Variants in STAU2 observed in about 807,000 individuals in gnomAD.
STAU2 encodes double-stranded RNA-binding protein Staufen homolog 2.
Under a neutral mutation model 65.9 loss-of-function variants are expected in STAU2, and 20 were observed. The observed-to-expected ratio is 0.30, with a 90% CI of 0.21 to 0.44. STAU2 has a LOEUF of 0.44. Ranked by LOEUF, STAU2 falls within the 20% of genes least tolerant of loss-of-function variation. STAU2 has a pLI of 1.00. For missense variants in STAU2, 558 were observed against 683.9 expected, an observed-to-expected ratio of 0.82 and a Z score of 2.05; for synonymous variants, 232 against 233.9, an observed-to-expected ratio of 0.99 and a Z score of 0.07.
intron 4 of STAU2, 59 bp from the exon 5 acceptor site, chr8:73,688,872 GCTGT>G: frequency 7.6e-6 from 12 of 1,575,048 alleles, no homozygotes; most frequent in South Asian, 2.3e-5. Flanking sequence ...AATAAAATTG[GCTGT>G]CTGAGAGAAA....
intron 13 of STAU2, among the ~76,000 whole-genome samples, chr8:73,460,950 T>C (rs952241128): frequency 1.3e-5 from 2 of 152,192 alleles, no homozygotes; most frequent in African/African-American, 4.8e-5. Flanking sequence ...TCTGAGCTTC[T>C]GTTTCTGGGG....
intron 5 of STAU2, among the ~76,000 whole-genome samples, chr8:73,674,515 C>T (rs1379225625): frequency 6.6e-6 from 1 of 151,744 alleles, no homozygotes; most frequent in Non-Finnish European, 1.5e-5. Flanking sequence ...CAATTAAAAC[C>T]TAATTGATTG....
At chr8:73,676,276 T>C (rs28500737) in intron 5 of STAU2, among the ~76,000 whole-genome samples, 11,036 of 152,222 alleles carry the variant, frequency 0.072, 438 homozygotes, top group Middle Eastern at 0.14. Context: ...ACCAGGTTTA[T>C]AACAAAGGTG....
At chr8:73,743,770 G>A (rs1807062146) in intron 1 of STAU2, among the ~76,000 whole-genome samples, 2 of 141,140 alleles carry the variant, frequency 1.4e-5, no homozygotes, top group African/African-American at 5.4e-5. Flanking sequence ...CACCATGCCC[G>A]GACATTTTTT....
chr8:73,556,482 G>A (rs1004971869), intron 12 of STAU2, among the ~76,000 whole-genome samples: 8 of 152,140 alleles, frequency 5.3e-5, no homozygotes, highest in African/African-American at 1.7e-4. Context: ...TTAAGGCTGG[G>A]TGCTGTGGCT....
rs1031951445 is a variant in STAU2 at position 73,648,223 on chromosome 8, T to C, written c.410+24884A>G. On this transcript the variant is annotated intron_variant, in intron 6 of 14. Coordinates refer to ENST00000524300, the MANE Select transcript of STAU2 (RefSeq NM_001164380.2). ...ATCCCACATATACTATCATTCCTAG[T>C]ATTTTCTTGAATGATTTTATTTCAT... 2.0e-5 allele frequency among the ~76,000 whole-genome samples: 3 copies of C among 152,238 alleles called. No homozygotes were observed. The East Asian group carries it at 5.8e-4, about 29-fold the overall frequency.
intron 3 of STAU2, among the ~76,000 whole-genome samples, chr8:73,718,415 A>G (rs1249015528): frequency 6.6e-6 from 1 of 152,232 alleles, no homozygotes; most frequent in East Asian, 1.9e-4. Flanking sequence ...ATAACCAACA[A>G]AAAGCACAAA....
chr8:73,738,648 C>T (rs1806613148), intron 2 of STAU2, among the ~76,000 whole-genome samples: 1 of 152,190 alleles, frequency 6.6e-6, no homozygotes, highest in African/African-American at 2.4e-5. Flanking sequence ...CTGGACAGTA[C>T]AGATCTGAAC....
At chr8:73,580,168 C>A (rs1219741866) in intron 12 of STAU2, among the ~76,000 whole-genome samples, 1 of 152,052 alleles carries the variant, frequency 6.6e-6, no homozygotes, top group Non-Finnish European at 1.5e-5. Context: ...AATTTTGAAG[C>A]AATGTAGAGT....
intron 13 of STAU2, among the ~76,000 whole-genome samples, chr8:73,479,458 T>C (rs915347126): frequency 1.7e-5 from 2 of 116,420 alleles, no homozygotes; most frequent in Non-Finnish European, 3.4e-5. Flanking sequence ...CTCTTCCTGC[T>C]TTCTCCCTAT....
chr8:73,628,744 A>T (rs1266975919), intron 6 of STAU2, among the ~76,000 whole-genome samples: 1 of 152,246 alleles, frequency 6.6e-6, no homozygotes, highest in Admixed American at 6.5e-5. Context: ...TGGATTTTTT[A>T]AAAGAGGGTT....
chr8:73,700,790 A>C (rs1242903290), intron 4 of STAU2, among the ~76,000 whole-genome samples: 4 of 152,154 alleles, frequency 2.6e-5, no homozygotes, highest in Non-Finnish European at 5.9e-5. Flanking sequence ...TTTATATGGA[A>C]TCACAAAAGA....
intron 1 of STAU2, chr8:73,742,194 T>A (rs1212248602): frequency 1.0e-6 from 1 of 985,072 alleles, no homozygotes; most frequent in Non-Finnish European, 1.2e-6. Context: ...TCAAGACATA[T>A]CAATAAAATG....
intron 5 of STAU2, among the ~76,000 whole-genome samples, chr8:73,683,004 C>T (rs752072984): frequency 5.3e-5 from 8 of 152,046 alleles, no homozygotes; most frequent in East Asian, 1.9e-4. Context: ...CAGGACCAGA[C>T]GGATTCACAG....
At chr8:73,723,706 C>A (rs1388597971) in intron 3 of STAU2, among the ~76,000 whole-genome samples, 1 of 152,170 alleles carries the variant, frequency 6.6e-6, no homozygotes, top group Non-Finnish European at 1.5e-5. Context: ...CACTGTAAGT[C>A]TGATATGGGT....
intron 6 of STAU2, among the ~76,000 whole-genome samples, chr8:73,635,322 G>A (rs917863981): frequency 2.0e-5 from 3 of 152,162 alleles, no homozygotes; most frequent in African/African-American, 7.2e-5. Flanking sequence ...GGTGGACACT[G>A]GAGGCAAGTT....
chr8:73,447,685 G>A (rs1041241976), intron 13 of STAU2, among the ~76,000 whole-genome samples: 5 of 152,216 alleles, frequency 3.3e-5, no homozygotes, highest in African/African-American at 4.8e-5. Context: ...GAAGGGACCC[G>A]AAGGAACCTC....
intron 13 of STAU2, among the ~76,000 whole-genome samples, chr8:73,470,623 T>G (rs1402330979): frequency 6.6e-6 from 1 of 152,038 alleles, no homozygotes; most frequent in Middle Eastern, 3.4e-3. Flanking sequence ...CACAGCGAGA[T>G]CCTGTCTCTA....
At chr8:73,529,592 T>C (rs921094634) in intron 13 of STAU2, among the ~76,000 whole-genome samples, 2 of 152,094 alleles carry the variant, frequency 1.3e-5, no homozygotes, top group Non-Finnish European at 2.9e-5. Flanking sequence ...GTCAAAAAAA[T>C]AAACTTTAAA....
Sources: allele counts gnomAD v4.1 joint callset (sites outside exome capture counted in the v4.1 genomes callset), GRCh38; gene constraint gnomAD v4.1.1; transcripts MANE v1.5; gene names NCBI Gene and HGNC (gene_info 2026-07-23, HGNC 2026-07-21).